ERMN: variants seen among roughly 807,000 people sequenced by gnomAD.
ERMN encodes the protein ermin, ERM-like protein.
A neutral mutation model predicts 21.4 loss-of-function variants in ERMN; 17 were observed. The ratio of observed to expected loss-of-function variants is 0.80; its 90% CI spans 0.54 to 1.19. ERMN has a LOEUF of 1.19. Among genes scored for constraint, ERMN ranks in the 50% most tolerant of loss-of-function variants. The pLI, the probability that ERMN is intolerant of heterozygous loss-of-function variation, is 0.00. For missense variants in ERMN, 348 were observed against 331.6 expected, an observed-to-expected ratio of 1.05 and a Z score of -0.38; for synonymous variants, 115 against 111.9, an observed-to-expected ratio of 1.03 and a Z score of -0.17.
At chr2:157,322,802 C>T (rs763349471) in intron 2 of ERMN, among the ~76,000 whole-genome samples, 4 of 152,166 alleles carry the variant, frequency 2.6e-5, no homozygotes, top group Non-Finnish European at 5.9e-5. Context: ...TCGCTAGTGT[C>T]CCGTCAATGT....
upstream of ERMN, among the ~76,000 whole-genome samples, chr2:157,326,583 T>G (rs1438656755): frequency 6.6e-6 from 1 of 152,238 alleles, no homozygotes; most frequent in Non-Finnish European, 1.5e-5. Context: ...CAATGCAATC[T>G]GCCCTTGGGA....
At chr2:157,325,989 G>A, upstream of ERMN, 1 of 1,101,852 alleles carries the variant, frequency 9.1e-7, no homozygotes, top group East Asian at 5.3e-5. Context: ...GTGTTGGCAT[G>A]TAGAGAGGGA....
At chr2:157,327,416 A>G, upstream of ERMN, 5 of 774,692 alleles carry the variant, frequency 6.5e-6, no homozygotes, top group Non-Finnish European at 1.2e-5. Context: ...CGCTCATATC[A>G]CACTTATTAT....
In ERMN at chr2:157,325,686, CTGAG is replaced by C; in HGVS notation, c.-48_-45del. The C allele has an allele frequency of 6.2e-7, 1 of 1,612,886 alleles. No homozygotes were observed. Among genetic ancestry groups the C allele is most frequent in the Non-Finnish European group, 8.5e-7 (1 of 1,178,938 alleles). On this transcript the variant is annotated 5_prime_UTR_variant, in exon 1 of 3. Coordinates refer to ENST00000410096, the MANE Select transcript of ERMN (RefSeq NM_020711.3). ...ATCTGGAGAGAGAGCTTTAGGGAAA[CTGAG>C]TGAGTAGATCCTTGATAAGATACCT...
intron 1 of ERMN, 183 bp downstream of exon 1, chr2:157,325,219 G>T: frequency 1.2e-6 from 1 of 829,086 alleles, no homozygotes; most frequent in Non-Finnish European, 2.0e-6. Flanking sequence ...TGGGGTCACA[G>T]CTGTCAAATA....
Position 157,321,587 on chromosome 2 carries a change from T to A in ERMN, c.539A>T (p.Lys180Met), listed in dbSNP as rs769986922. The stretch of plus-strand genomic sequence containing the variant: ...ATCATCAATTTCTTCATCCCAAACC[T>A]TCTGCTCCTCATCATGTTTAGAATG... ...MLHSKHDEEQ[K>M]VWDEEIDDDD... is the part of the protein sequence containing the mutation. Residue 180 changes from lysine (K) to methionine (M), a missense_variant, in exon 3 of 3, where the codon AAG becomes ATG. Physicochemically the swap from Lys to Met is moderately conservative, Grantham distance 95 (BLOSUM62 -1). Coordinates refer to ENST00000410096, the MANE Select transcript of ERMN (RefSeq NM_020711.3). The A allele has an allele frequency of 3.1e-6, 5 of 1,613,980 alleles. No individual in the cohort carries two copies. The African/African-American group carries it at 6.7e-5, about 22-fold the overall frequency.
chr2:157,321,485 G>C lies in ERMN; in HGVS notation c.641C>G (p.Ser214Cys). Residue 214 changes from serine to cysteine, a missense_variant, in exon 3 of 3, where the codon TCT (serine) becomes TGT (cysteine). By Grantham distance (112) the Ser-to-Cys change is moderately radical (BLOSUM62 -1). Transcript: ENST00000410096. Reference sequence around the variant, plus strand: ...TGCATCACCTTCCTCTTTAAATTGAGAAACCTCTTCATGTTTTTTCTTAAA... The same window carrying C: ...TGCATCACCTTCCTCTTTAAATTGACAAACCTCTTCATGTTTTTTCTTAAA... Reference protein sequence around the residue: ...IEFKKKHEEVSQFKEEGDASE... With the variant: ...IEFKKKHEEVCQFKEEGDASE... 6.2e-7 allele frequency: 1 copy of C among 1,613,996 alleles called. No individual in the cohort carries two copies. The highest frequency in any genetic ancestry group is 8.5e-7 in the Non-Finnish European group (1 of 1,179,986).
At chr2:157,321,914 G>C (rs1683918727) in intron 2 of ERMN, 123 bp from the exon 3 acceptor site, 1 of 838,228 alleles carries the variant, frequency 1.2e-6, no homozygotes. Flanking sequence ...TATGGGATAT[G>C]ATTCTGTGGG....
In ERMN at chr2:157,321,379, A is replaced by G. The variant is rs1683891679; in HGVS notation, c.747T>C (p.Asp249=). The G allele has an allele frequency of 6.2e-7, 1 of 1,614,144 alleles. No homozygotes were observed. Residue 249 remains aspartate, a synonymous_variant, in exon 3 of 3, where the codon GAT becomes GAC. Coordinates refer to ENST00000410096, the MANE Select transcript of ERMN (RefSeq NM_020711.3). ...DEQPTLGKKS[D]ISRNAYSRYN... ...ATCTGGAATAAGCATTTCTGGAGAT[A>G]TCACTCTTCTTCCCTAAGGTTGGCT...
upstream of ERMN, chr2:157,325,982 T>A: frequency 8.7e-7 from 1 of 1,153,632 alleles, no homozygotes; most frequent in South Asian, 2.7e-5. Context: ...GGCTTTTGTG[T>A]TGGCATGTAG....
At position 157,322,415 on chromosome 2, in the gene ERMN, A is replaced by C. The variant is rs1391256235; in HGVS notation, c.335-624T>G. On this transcript the variant is annotated intron_variant, in intron 2 of 2. Coordinates refer to ENST00000410096, the MANE Select transcript of ERMN (RefSeq NM_020711.3). ...CTCAACAATATTTATTGAATATGGT[A>C]AGAATTAATTATAAGGAAGCTGAGG... Among the ~76,000 whole-genome samples the C allele has an allele frequency of 2.0e-5, 3 of 152,324 alleles. No individual in the cohort carries two copies. In the East Asian group the frequency reaches 5.8e-4, roughly 29 times the overall value.
intron 2 of ERMN, 138 bp from the exon 3 acceptor site, chr2:157,321,929 C>T (rs1683918987): frequency 2.6e-6 from 2 of 778,728 alleles, no homozygotes; most frequent in Middle Eastern, 3.2e-4. Context: ...TGTGGGTTAC[C>T]AATATGTTTT....
chr2:157,326,233 T>C (rs1274631217), upstream of ERMN, among the ~76,000 whole-genome samples: 1 of 152,216 alleles, frequency 6.6e-6, no homozygotes, highest in East Asian at 1.9e-4. Flanking sequence ...TTCTTATTTA[T>C]TAAAAAATAA....
intron 2 of ERMN, 48 bp from the exon 3 acceptor site, chr2:157,321,839 A>C (rs762722048): frequency 6.4e-5 from 94 of 1,471,070 alleles, no homozygotes; most frequent in African/African-American, 2.8e-5. Flanking sequence ...ATTCCAAAAT[A>C]CCCAGCCATT....
Position 157,319,375 on chromosome 2 carries a change from A to T in ERMN, c.*1896T>A, listed in dbSNP as rs1683813763. 6.6e-6 allele frequency: 1 copy of T among 152,262 alleles called. No homozygotes were observed. Among genetic ancestry groups the T allele is most frequent in the South Asian group, 2.1e-4 (1 of 4,830 alleles). The allele number at this position is 152,262 out of a possible 1,614,324, so 9.4% of individuals were successfully genotyped here. ...ACTTGCTTTGCCGTGCCACATAACC[A>T]TAGGTCACCCACCTCTAGTTCTACA... On this transcript the variant is annotated 3_prime_UTR_variant, in exon 3 of 3. Coordinates refer to ENST00000410096, the MANE Select transcript of ERMN (RefSeq NM_020711.3).
intron 2 of ERMN, among the ~76,000 whole-genome samples, chr2:157,323,310 C>T (rs1683964214): frequency 6.6e-6 from 1 of 152,216 alleles, no homozygotes. Flanking sequence ...GAACTTGTTA[C>T]ATTGGAAGCA....
chr2:157,321,321 C>T lies in ERMN; in HGVS notation c.805G>A (p.Gly269Arg). Residue 269 changes from glycine to arginine, a missense_variant, in exon 3 of 3, where the codon GGA becomes AGA. By Grantham distance (125) the Gly-to-Arg change is moderately radical. Transcript: ENST00000410096. ...NTISYRKIRK[G>R]NTKQRIDEFE... is the part of the protein sequence containing the mutation. ...TCATCAATTCTTTGCTTGGTATTTC[C>T]CTTTCTGATTTTCCGATAGGATATT... 1.2e-6 allele frequency: 2 copies of T among 1,613,908 alleles called. No homozygotes were observed. Among genetic ancestry groups the T allele is most frequent in the Non-Finnish European group, 1.7e-6 (2 of 1,179,910 alleles).
In ERMN at chr2:157,319,673, A is replaced by T. The variant is rs1439398327; in HGVS notation, c.*1598T>A. 1 of 152,180 alleles carries T rather than the reference A, an allele frequency of 6.6e-6. No homozygotes were observed. The highest frequency in any genetic ancestry group is 1.5e-5 in the Non-Finnish European group (1 of 68,024). 9.4% of individuals were successfully genotyped at this position (152,180 alleles called of 1,614,324 possible). ...TTCCCTCACTTTATTCTGGAAACTG[A>T]TATTGTAACACATGAAATCCATAGG... On this transcript the variant is annotated 3_prime_UTR_variant, in exon 3 of 3. Transcript: ENST00000410096.
intron 1 of ERMN, chr2:157,324,984 T>C (rs1336929181): frequency 1.1e-5 from 3 of 282,606 alleles, no homozygotes; most frequent in Non-Finnish European, 2.0e-5. Context: ...ATATAAGATA[T>C]ATATATAAGA....
Sources: allele counts gnomAD v4.1 joint callset (sites outside exome capture counted in the v4.1 genomes callset), GRCh38; gene constraint gnomAD v4.1.1; transcripts MANE v1.5; gene names NCBI Gene and HGNC (gene_info 2026-07-23, HGNC 2026-07-21).